Variants in EGLN3 observed in about 807,000 individuals in gnomAD.
EGLN3 encodes the protein prolyl hydroxylase EGLN3.
A neutral mutation model predicts 26.0 loss-of-function variants in EGLN3; 15 were observed. That is an observed-to-expected ratio of 0.58 (90% CI 0.39 to 0.89). EGLN3 has a LOEUF of 0.89. EGLN3 is among the 40% of genes least tolerant of loss of function. The pLI is 0.00. For missense variants in EGLN3, 238 were observed against 311.6 expected (o/e 0.76, Z 1.78); for synonymous variants, 147 against 127.2 (o/e 1.16, Z -1.05).
At chr14:33,941,466 G>A (rs921326106) in intron 1 of EGLN3, among the ~76,000 whole-genome samples, 4 of 151,844 alleles carry the variant, frequency 2.6e-5, no homozygotes, top group Non-Finnish European at 4.4e-5. Context: ...CACATAACAT[G>A]TCACTCTAAT....
chr14:33,931,401 T>C (rs2064402770), intron 1 of EGLN3, 186 bp from the exon 2 acceptor site: 1 of 730,054 alleles, frequency 1.4e-6, no homozygotes. Flanking sequence ...GGCCAGGTCA[T>C]ACTATGGCTC....
At chr14:33,939,300 T>C (rs1388687449) in intron 1 of EGLN3, among the ~76,000 whole-genome samples, 1 of 151,926 alleles carries the variant, frequency 6.6e-6, no homozygotes, top group Non-Finnish European at 1.5e-5. Flanking sequence ...AAGCTCTGCC[T>C]CCCGGGTTCA....
rs768750816 is a variant in EGLN3, at chr14:33,950,729, C to G, written c.24G>C (p.Arg8Ser). MPLGHIM[R>S]LDLEKIALEY... ...CCAGGGCAATTTTCTCCAGGTCCAG[C>G]CTCATGATGTGTCCCAGGGGCATCT... The change falls in exon 1 of 5, where the codon AGG becomes AGC. Residue 8 changes from arginine to serine, a missense_variant. By Grantham distance (110) the Arg-to-Ser change is moderately radical. Coordinates refer to ENST00000250457, the MANE Select transcript of EGLN3 (RefSeq NM_022073.4). 85 of 1,613,090 alleles carry G rather than the reference C, an allele frequency of 5.3e-5. No individual in the cohort carries two copies. Among genetic ancestry groups the G allele is most frequent in the Non-Finnish European group, 7.0e-5 (82 of 1,179,462 alleles).
intron 2 of EGLN3, among the ~76,000 whole-genome samples, chr14:33,930,660 G>C (rs2064396193): frequency 6.6e-6 from 1 of 152,122 alleles, no homozygotes; most frequent in Non-Finnish European, 1.5e-5. Flanking sequence ...CCGAGGGAGA[G>C]GACTGTGTGG....
chr14:33,941,190 C>A (rs1253066016), intron 1 of EGLN3, among the ~76,000 whole-genome samples: 2 of 151,992 alleles, frequency 1.3e-5, no homozygotes, highest in African/African-American at 2.4e-5. Context: ...TAGGTGCTGA[C>A]CAAATTTAAG....
At chr14:33,929,016 C>T (rs2064381783) in intron 3 of EGLN3, 60 bp downstream of exon 3, 9 of 1,589,596 alleles carry the variant, frequency 5.7e-6, no homozygotes, top group African/African-American at 1.3e-5. Flanking sequence ...TTAAAGAGTT[C>T]TCTGGAACTA....
chr14:33,931,038 C>T, intron 2 of EGLN3, 58 bp downstream of exon 2: 1 of 1,603,612 alleles, frequency 6.2e-7, no homozygotes, highest in Admixed American at 1.7e-5. Flanking sequence ...TCTAAGTTAT[C>T]TGAATCATTT....
intron 1 of EGLN3, chr14:33,948,803 AATTTACAAGAAAC>A (rs2064535926): frequency 6.6e-6 from 1 of 152,164 alleles, no homozygotes; most frequent in Admixed American, 6.5e-5. Flanking sequence ...CTAACACCTA[AATTTACAAGAAAC>A]ATTTAAAAAC....
intron 1 of EGLN3, among the ~76,000 whole-genome samples, chr14:33,935,852 G>A (rs1272881585): frequency 6.6e-6 from 1 of 152,058 alleles, no homozygotes; most frequent in Non-Finnish European, 1.5e-5. Flanking sequence ...TGTCCACCCA[G>A]TACAGAGCAA....
intron 1 of EGLN3, among the ~76,000 whole-genome samples, chr14:33,935,970 C>A (rs7156739): frequency 0.59 from 89,878 of 151,798 alleles, 27,008 homozygotes; most frequent in South Asian, 0.75. Context: ...CGGTGGCTCA[C>A]GCCTGTAATC....
chr14:33,947,844 G>A (rs1416589226), intron 1 of EGLN3, among the ~76,000 whole-genome samples: 1 of 152,128 alleles, frequency 6.6e-6, no homozygotes, highest in Non-Finnish European at 1.5e-5. Context: ...GAGGTCAAGA[G>A]ATCGAGACCA....
intron 2 of EGLN3, among the ~76,000 whole-genome samples, chr14:33,929,627 T>C (rs1382465201): frequency 3.9e-5 from 6 of 152,166 alleles, no homozygotes; most frequent in Admixed American, 3.9e-4. Flanking sequence ...GCTGGGATTA[T>C]AGGCATGAGC....
chr14:33,945,962 T>C (rs1356323391), intron 1 of EGLN3, among the ~76,000 whole-genome samples: 1 of 152,258 alleles, frequency 6.6e-6, no homozygotes, highest in East Asian at 1.9e-4. Flanking sequence ...TTCCTCCTTA[T>C]TGTTTCCAGG....
At position 33,950,407 on chromosome 14, in the gene EGLN3, C is replaced by T; in HGVS notation, c.346G>A (p.Glu116Lys). The change falls in exon 1 of 5, where the codon GAG becomes AAG. Residue 116 changes from glutamate to lysine, a missense_variant. Glu to Lys is a moderately conservative substitution (Grantham distance 56). Transcript: ENST00000250457. ...CGAGCGCGTCCTACCTTAGACCTCT[C>T]CTTGACGTAGTATTTGCCCAGCCGG... ...GSRLGKYYVKERSKAMVACYP... is the reference protein window; with the variant it reads ...GSRLGKYYVKKRSKAMVACYP... 6.2e-7 allele frequency: 1 copy of T among 1,613,132 alleles called. No homozygotes were observed. The highest frequency in any genetic ancestry group is 8.5e-7 in the Non-Finnish European group (1 of 1,180,016).
At chr14:33,946,443 TG>T (rs1405476774) in intron 1 of EGLN3, among the ~76,000 whole-genome samples, 1 of 152,124 alleles carries the variant, frequency 6.6e-6, no homozygotes, top group Non-Finnish European at 1.5e-5. Context: ...TTTCTTCAAA[TG>T]TACTCAACTG....
intron 1 of EGLN3, among the ~76,000 whole-genome samples, chr14:33,932,196 C>A (rs1352376108): frequency 6.6e-6 from 1 of 152,164 alleles, no homozygotes; most frequent in Non-Finnish European, 1.5e-5. Context: ...GTTCTACTCA[C>A]TGATGTATTC....
In EGLN3 at chr14:33,925,130, C is replaced by T. The variant is rs185886948; in HGVS notation, c.*761G>A. On this transcript the variant is annotated 3_prime_UTR_variant, in exon 5 of 5. Coordinates refer to ENST00000250457, the MANE Select transcript of EGLN3 (RefSeq NM_022073.4). ...CATTTAAATTTAAATTCCATTCCAA[C>T]AAAGCAACCAAAACAACTAATGTCT... 5.9e-5 allele frequency: 9 copies of T among 152,108 alleles called. No individual in the cohort carries two copies. The highest frequency in any genetic ancestry group is 1.9e-4 in the African/African-American group (8 of 41,488). The allele number at this position is 152,108 out of a possible 1,614,324, so 9.4% of individuals were successfully genotyped here.
chr14:33,947,444 A>G (rs555756153), intron 1 of EGLN3, among the ~76,000 whole-genome samples: 40 of 152,246 alleles, frequency 2.6e-4, no homozygotes, highest in African/African-American at 9.6e-4. Context: ...ATTTCTTTCT[A>G]TATTCTTCCA....
In EGLN3 at chr14:33,936,669, C is replaced by T. The variant is rs931715190; in HGVS notation, c.358-5454G>A. 2.3e-4 allele frequency among the ~76,000 whole-genome samples: 35 copies of T among 151,586 alleles called. 1 individual carries two copies. The highest frequency in any genetic ancestry group is 8.5e-4 in the African/African-American group (35 of 41,180). ...AAGGCACTATATGTGCTAGCAGCAGCTCTAGATCTGAAATTCTCCTATTTA... is the reference window on the plus strand; with the variant it reads ...AAGGCACTATATGTGCTAGCAGCAGTTCTAGATCTGAAATTCTCCTATTTA... On this transcript the variant is annotated intron_variant, in intron 1 of 4. Coordinates refer to ENST00000250457, the MANE Select transcript of EGLN3 (RefSeq NM_022073.4).
Sources: gnomAD v4.1 joint callset for allele counts (sites outside exome capture counted in the v4.1 genomes callset) on GRCh38, gnomAD v4.1.1 for gene constraint, MANE v1.5 for transcripts, NCBI Gene and HGNC (gene_info 2026-07-23, HGNC 2026-07-21) for gene names.